COL4A6: variants seen among roughly 807,000 people sequenced by gnomAD.
The protein encoded by COL4A6 is collagen alpha-6(IV) chain.
COL4A6 carries 59 observed loss-of-function variants against 126.7 expected under a neutral mutation model. The observed-to-expected ratio is 0.47, with a 90% CI of 0.38 to 0.58. The LOEUF is 0.58. Ranked by LOEUF, COL4A6 falls within the 20% of genes least tolerant of loss-of-function variation. The probability of loss-of-function intolerance (pLI) is 0.00; values close to 1 mark genes in which losing one functional copy is unlikely to be tolerated. For missense variants in COL4A6, 1,285 were observed against 1,337.3 expected (o/e 0.96, Z 0.61); for synonymous variants, 547 against 496.6 (o/e 1.10, Z -1.35).
At chrX:108,192,860 G>A (rs2035094433) in intron 17 of COL4A6, among the ~76,000 whole-genome samples, 1 of 112,694 alleles carries the variant, frequency 8.9e-6, no homozygotes, top group East Asian at 2.8e-4. Flanking sequence ...CTAATCTGCT[G>A]TAATGCCTAA....
chrX:108,308,718 T>C lies in COL4A6; in HGVS notation c.144+2030A>G, dbSNP rs1394244830. Reference sequence around the variant, plus strand: ...CATTTTTGTGCAATGCTGATGGGAATATAAATTGGAGAATACTTTGTAGCC... The same window carrying C: ...CATTTTTGTGCAATGCTGATGGGAACATAAATTGGAGAATACTTTGTAGCC... On this transcript the variant is annotated intron_variant, in intron 3 of 44. Transcript: ENST00000334504. 2.7e-5 allele frequency among the ~76,000 whole-genome samples: 3 copies of C among 112,316 alleles called. No homozygotes were observed. The Admixed American group carries it at 2.8e-4, about 11-fold the overall frequency.
chrX:108,231,827 A>G (rs910217072), intron 3 of COL4A6, among the ~76,000 whole-genome samples: 1 of 112,360 alleles, frequency 8.9e-6, no homozygotes, highest in African/African-American at 3.2e-5. Flanking sequence ...TCTTTAATAG[A>G]AATGTACTAA....
chrX:108,198,557 G>C (rs1281242896), intron 13 of COL4A6, among the ~76,000 whole-genome samples: 2 of 111,634 alleles, frequency 1.8e-5, no homozygotes, highest in African/African-American at 6.5e-5. Flanking sequence ...TCCCAGAATA[G>C]GGAGGCACTG....
At chrX:108,239,189 G>A (rs997646802) in intron 3 of COL4A6, among the ~76,000 whole-genome samples, 26 of 111,946 alleles carry the variant, frequency 2.3e-4, no homozygotes, top group African/African-American at 7.5e-4. Context: ...TCATTGAACC[G>A]GAAGTCTCAA....
At chrX:108,329,132 A>G (rs1338130304) in intron 2 of COL4A6, among the ~76,000 whole-genome samples, 2 of 111,371 alleles carry the variant, frequency 1.8e-5, no homozygotes, top group Non-Finnish European at 3.8e-5. Flanking sequence ...GAGAGGAGGA[A>G]TAAGTTCTGG....
chrX:108,269,714 T>C (rs907052402), intron 3 of COL4A6, among the ~76,000 whole-genome samples: 1 of 112,230 alleles, frequency 8.9e-6, no homozygotes, highest in African/African-American at 3.2e-5. Flanking sequence ...AGTATTTTGG[T>C]GTTTGAGGCC....
At position 108,284,030 on chromosome X, in the gene COL4A6, T is replaced by C. The variant is rs150322728; in HGVS notation, c.144+26718A>G. On this transcript the variant is annotated intron_variant, in intron 3 of 44. Coordinates refer to ENST00000334504, the MANE Select transcript of COL4A6 (RefSeq NM_033641.4). Reference sequence around the variant, plus strand: ...CAGAGGCAGAAATAACTGTAATACATTCAGTAGGTTTAGTGTTATATTTAT... The same window carrying C: ...CAGAGGCAGAAATAACTGTAATACACTCAGTAGGTTTAGTGTTATATTTAT... Among the ~76,000 whole-genome samples the C allele has an allele frequency of 2.7e-3, 301 of 111,852 alleles. 1 individual carries two copies. Among genetic ancestry groups the C allele is most frequent in the African/African-American group, 9.3e-3 (287 of 30,842 alleles).
chrX:108,400,197 T>C (rs754693085), intron 2 of COL4A6, among the ~76,000 whole-genome samples: 1 of 111,535 alleles, frequency 9.0e-6, no homozygotes, highest in South Asian at 3.8e-4. Context: ...TTGCTGTTAC[T>C]ACCCCCAGGA....
chrX:108,334,376 A>G (rs12842682), intron 2 of COL4A6, among the ~76,000 whole-genome samples: 1 of 111,907 alleles, frequency 8.9e-6, no homozygotes, highest in South Asian at 3.7e-4. Context: ...GCACACAGAC[A>G]TCAGGGAACA....
intron 8 of COL4A6, among the ~76,000 whole-genome samples, chrX:108,208,884 T>C (rs2035621691): frequency 8.9e-6 from 1 of 111,735 alleles, no homozygotes; most frequent in Non-Finnish European, 1.9e-5. Flanking sequence ...ACCTTGCTGA[T>C]CACAAATATC....
At chrX:108,291,998 T>C (rs986610849) in intron 3 of COL4A6, among the ~76,000 whole-genome samples, 5 of 112,043 alleles carry the variant, frequency 4.5e-5, no homozygotes, top group Admixed American at 9.5e-5. Flanking sequence ...GTATAGAATA[T>C]ATCTATGCCC....
At chrX:108,288,719 T>C (rs1284825263) in intron 3 of COL4A6, among the ~76,000 whole-genome samples, 1 of 111,354 alleles carries the variant, frequency 9.0e-6, no homozygotes, top group Admixed American at 9.6e-5. Context: ...CCAAGTAATT[T>C]ATACTTTCAG....
chrX:108,383,679 C>T (rs895599628), intron 2 of COL4A6: 12 of 503,647 alleles, frequency 2.4e-5, no homozygotes, highest in African/African-American at 1.9e-4. Flanking sequence ...AAATATTTTT[C>T]CTCAACACAG....
At chrX:108,417,429 A>G (rs986495043) in intron 2 of COL4A6, among the ~76,000 whole-genome samples, 3 of 112,129 alleles carry the variant, frequency 2.7e-5, no homozygotes, top group African/African-American at 9.7e-5. Flanking sequence ...GCAGTAATTA[A>G]TGTACATAGA....
At chrX:108,328,103 T>C (rs1187535760) in intron 2 of COL4A6, among the ~76,000 whole-genome samples, 1 of 111,721 alleles carries the variant, frequency 9.0e-6, no homozygotes, top group Non-Finnish European at 1.9e-5. Context: ...AAATGAACTA[T>C]AACTCAGGAT....
intron 3 of COL4A6, among the ~76,000 whole-genome samples, chrX:108,284,106 A>T (rs2037935760): frequency 1.8e-5 from 2 of 112,360 alleles, no homozygotes; most frequent in Admixed American, 1.9e-4. Context: ...GAAGACAGAC[A>T]GCTCTTGTGC....
chrX:108,160,683 T>A lies in COL4A6; in HGVS notation c.4334-29A>T, dbSNP rs73535883. 0.017 allele frequency: 19,191 copies of A among 1,152,360 alleles called. 1,938 individuals carry two copies. The African/African-American group carries it at 0.3, about 18-fold the overall frequency. The allele number at this position is 1,152,360 out of a possible 1,213,427, so 95.0% of individuals were successfully genotyped here. ...AGAGAGACAGATCATAAAAGGTGAG[T>A]GTGGTGCAGCTAATGACAACATCAG... On this transcript the variant is annotated intron_variant, in intron 42 of 44. Coordinates refer to ENST00000334504, the MANE Select transcript of COL4A6 (RefSeq NM_033641.4).
Position 108,204,351 on chromosome X carries a change from A to G in COL4A6, c.749T>C (p.Met250Thr), listed in dbSNP as rs2035480271. Residue 250 changes from methionine to threonine, a missense_variant, in exon 12 of 45, where the codon ATG (methionine) becomes ACG (threonine). Transcript: ENST00000334504. ...TCCTTTCTTCCCTTTGGGGAATCCCATGAATTCCAGCTCTCCAGTAGATGG... is the reference window on the plus strand; with the variant it reads ...TCCTTTCTTCCCTTTGGGGAATCCCGTGAATTCCAGCTCTCCAGTAGATGG... ...PPPSTGELEF[M>T]GFPKGKKGSK... 1 of 1,201,773 alleles carries G rather than the reference A, an allele frequency of 8.3e-7. No homozygotes were observed. The highest frequency in any genetic ancestry group is 1.7e-5 in the African/African-American group (1 of 57,177).
At chrX:108,332,146 C>A (rs1247586894) in intron 2 of COL4A6, among the ~76,000 whole-genome samples, 1 of 111,526 alleles carries the variant, frequency 9.0e-6, no homozygotes, top group East Asian at 2.8e-4. Context: ...AGGAAAATGG[C>A]CCCCAGTTCC....
Sources: gnomAD v4.1 joint callset for allele counts (sites outside exome capture counted in the v4.1 genomes callset) on GRCh38, gnomAD v4.1.1 for gene constraint, MANE v1.5 for transcripts, NCBI Gene and HGNC (gene_info 2026-07-23, HGNC 2026-07-21) for gene names.